The following CECR2 variants were observed in gnomAD, a reference collection of about 807,000 sequenced individuals.
CECR2 encodes the protein chromatin remodeling regulator CECR2.
CECR2 carries 30 observed loss-of-function variants against 154.5 expected under a neutral mutation model. The observed-to-expected ratio is 0.19, with a 90% CI of 0.15 to 0.26. The LOEUF is 0.26. Ranked by LOEUF, CECR2 falls within the 10% of genes least tolerant of loss-of-function variation. CECR2 has a pLI of 1.00. For synonymous variants in CECR2, 725 were observed against 683.7 expected, an observed-to-expected ratio of 1.06 and a Z score of -0.94; for missense variants, 1,743 against 1,829.3, an observed-to-expected ratio of 0.95 and a Z score of 0.86.
At chr22:17,429,935 A>G (rs1346438706) in intron 1 of CECR2, among the ~76,000 whole-genome samples, 3 of 152,174 alleles carry the variant, frequency 2.0e-5, no homozygotes, top group Non-Finnish European at 4.4e-5. Context: ...AGGAGAAAAA[A>G]TAGTTTAGTT....
rs1221966970 is a variant in CECR2 at position 17,541,962 on chromosome 22, A to C, written c.2008A>C (p.Met670Leu). 2 of 1,612,920 alleles carry C rather than the reference A, an allele frequency of 1.2e-6. No homozygotes were observed. The highest frequency in any genetic ancestry group is 1.7e-5 in the Admixed American group (1 of 59,724). ...EPVQQRQPFTMQPPVGINSLR... is the reference protein window; with the variant it reads ...EPVQQRQPFTLQPPVGINSLR... ...TGTGCAGCAGCGTCAGCCTTTCACC[A>C]TGCAGGTAAGCAGCCTACTCTGGAG... The change falls in exon 15 of 19, where the codon ATG (methionine) becomes CTG (leucine). Residue 670 changes from methionine to leucine, a missense_variant. Around this residue, in one of 4 missense-constraint regions of CECR2, gnomAD observed 1,250 missense variants for 1,192.1 expected, o/e 1.05. Transcript: ENST00000262608.
intron 1 of CECR2, among the ~76,000 whole-genome samples, chr22:17,433,991 C>T (rs1026098409): frequency 1.3e-5 from 2 of 152,070 alleles, no homozygotes; most frequent in African/African-American, 4.8e-5. Context: ...AGAAATAGTT[C>T]CCTGGGCATA....
In CECR2 at chr22:17,544,485, G is replaced by A. The variant is rs1294379822; in HGVS notation, c.2860+1482G>A. ...TGCACTCCGGCCTGGGCGACAGAGC[G>A]AGACTCCATCTCAAAAAAAAAAAAA... On this transcript the variant is annotated intron_variant, in intron 16 of 18. Transcript: ENST00000262608. Among the ~76,000 whole-genome samples the A allele has an allele frequency of 3.9e-5, 5 of 127,402 alleles. 1 individual carries two copies. Among genetic ancestry groups the A allele is most frequent in the South Asian group, 5.1e-4 (2 of 3,948 alleles). 83.6% of individuals were successfully genotyped at this position (127,402 alleles called of 152,430 possible). A position where few individuals can be genotyped will look rare whatever the true frequency, so the allele number is the denominator to read the frequency against.
At position 17,515,485 on chromosome 22, in the gene CECR2, C is replaced by G. The variant is rs2056034990; in HGVS notation, c.954+3589C>G. 1.3e-5 allele frequency among the ~76,000 whole-genome samples: 2 copies of G among 152,328 alleles called. 1 individual carries two copies. The highest frequency in any genetic ancestry group is 4.1e-4 in the South Asian group (2 of 4,828). On this transcript the variant is annotated intron_variant, in intron 8 of 18. Coordinates refer to ENST00000262608, the MANE Select transcript of CECR2 (RefSeq NM_001290047.2). ...TACTATTTACGTTTTTACGTATTTG[C>G]TTCAGGCTTTTCCTCTATGCATTTA...
chr22:17,392,580 G>T (rs1485341275), intron 1 of CECR2, among the ~76,000 whole-genome samples: 1 of 152,112 alleles, frequency 6.6e-6, no homozygotes, highest in Non-Finnish European at 1.5e-5. Flanking sequence ...GATTGCTTGA[G>T]CCAGGGAGGT....
chr22:17,401,497 A>G (rs1403393246), intron 1 of CECR2, among the ~76,000 whole-genome samples: 1 of 150,866 alleles, frequency 6.6e-6, no homozygotes, highest in African/African-American at 2.4e-5. Flanking sequence ...TGTTTCTCTC[A>G]GGGTGACCCC....
chr22:17,510,918 C>CT (rs1601487972), intron 7 of CECR2, among the ~76,000 whole-genome samples: 2 of 152,266 alleles, frequency 1.3e-5, no homozygotes, highest in East Asian at 3.9e-4. Flanking sequence ...AACAGAAAAG[C>CT]TTTCTAAAGT....
rs116119196 is a variant in CECR2 at position 17,394,456 on chromosome 22, G to T, written c.126+24547G>T. On this transcript the variant is annotated intron_variant, in intron 1 of 18. Coordinates refer to ENST00000262608, the MANE Select transcript of CECR2 (RefSeq NM_001290047.2). ...ACTCTTGGCCTTAAGTGATGCTCCT[G>T]CGTAGGTTTTCTAAAGCTTTGAGCG... Among the ~76,000 whole-genome samples the T allele has an allele frequency of 5.3e-5, 8 of 151,888 alleles. No homozygotes were observed. In the East Asian group the frequency reaches 1.5e-3, roughly 29 times the overall value.
Position 17,555,927 on chromosome 22 carries a change from C to T in CECR2, c.*3087C>T, listed in dbSNP as rs1210134576. 1 of 152,092 alleles carries T rather than the reference C, an allele frequency of 6.6e-6. No individual in the cohort carries two copies. 9.4% of individuals were successfully genotyped at this position (152,092 alleles called of 1,614,324 possible). Reference sequence around the variant, plus strand: ...TTGTTAATAAGTTAGAAACTTGTGTCCCTAAGGCCCAAGAGAAAAGATGAG... The same window carrying T: ...TTGTTAATAAGTTAGAAACTTGTGTTCCTAAGGCCCAAGAGAAAAGATGAG... On this transcript the variant is annotated 3_prime_UTR_variant, in exon 19 of 19. Transcript: ENST00000262608.
At chr22:17,397,841 T>C (rs1276805974) in intron 1 of CECR2, among the ~76,000 whole-genome samples, 1 of 152,182 alleles carries the variant, frequency 6.6e-6, no homozygotes. Flanking sequence ...ATGGAAACTT[T>C]TAGTAATGCA....
intron 8 of CECR2, among the ~76,000 whole-genome samples, chr22:17,514,492 A>G (rs554762900): frequency 2.0e-5 from 3 of 152,324 alleles, no homozygotes; most frequent in African/African-American, 7.2e-5. Context: ...GCATTCCTAC[A>G]CCAACATCTC....
chr22:17,404,361 G>GTTGTTTTTTTT (rs2053945581), intron 1 of CECR2, among the ~76,000 whole-genome samples: 1 of 74,806 alleles, frequency 1.3e-5, no homozygotes, highest in Non-Finnish European at 2.5e-5. Flanking sequence ...TCTGGACCCT[G>GTTGTTTTTTTT]TTCTTTCTTT....
chr22:17,492,342 G>A (rs1051947696), intron 2 of CECR2, among the ~76,000 whole-genome samples: 1 of 151,966 alleles, frequency 6.6e-6, no homozygotes, highest in Non-Finnish European at 1.5e-5. Context: ...CCCCAAACAG[G>A]GTGCAGATAT....
At chr22:17,519,921 G>A (rs2056127188) in intron 8 of CECR2, among the ~76,000 whole-genome samples, 1 of 151,756 alleles carries the variant, frequency 6.6e-6, no homozygotes, top group Non-Finnish European at 1.5e-5. Context: ...CCCCCAAGTA[G>A]CTGGGACTAC....
At chr22:17,400,651 G>A (rs1318725145) in intron 1 of CECR2, among the ~76,000 whole-genome samples, 1 of 152,248 alleles carries the variant, frequency 6.6e-6, no homozygotes, top group African/African-American at 2.4e-5. Context: ...GGGCAGAGAA[G>A]AGGGAGGTCA....
chr22:17,409,097 A>G (rs2054029430), intron 1 of CECR2, among the ~76,000 whole-genome samples: 1 of 151,866 alleles, frequency 6.6e-6, no homozygotes, highest in Non-Finnish European at 1.5e-5. Flanking sequence ...GTTCTGTTTT[A>G]TTAATTTTAA....
intron 1 of CECR2, among the ~76,000 whole-genome samples, chr22:17,372,102 C>T (rs1480382220): frequency 1.3e-5 from 2 of 152,082 alleles, no homozygotes; most frequent in Non-Finnish European, 2.9e-5. Context: ...TTTTTTGGGG[C>T]TAAAATACAT....
chr22:17,522,382 C>T (rs1351883590), intron 8 of CECR2, among the ~76,000 whole-genome samples: 2 of 152,138 alleles, frequency 1.3e-5, no homozygotes, highest in African/African-American at 4.8e-5. Context: ...GGGATTATGG[C>T]AAAATTTAGG....
At chr22:17,466,880 C>T (rs1055959805) in intron 1 of CECR2, among the ~76,000 whole-genome samples, 1 of 152,224 alleles carries the variant, frequency 6.6e-6, no homozygotes, top group Non-Finnish European at 1.5e-5. Flanking sequence ...GCGTGAGCCA[C>T]TGCACTTGGC....
Sources: gnomAD v4.1 joint callset for allele counts (sites outside exome capture counted in the v4.1 genomes callset) on GRCh38, gnomAD v4.1.1 for gene constraint, gnomAD v4.1.1 regional missense constraint, MANE v1.5 for transcripts, NCBI Gene and HGNC (gene_info 2026-07-23, HGNC 2026-07-21) for gene names.